Variants in DLC1 observed in about 807,000 individuals in gnomAD.
DLC1 encodes the protein rho GTPase-activating protein 7.
In DLC1, 54 loss-of-function variants were observed where a neutral mutation model predicts 140.3. The observed-to-expected ratio is 0.38, with a 90% CI of 0.31 to 0.48. DLC1 has a LOEUF of 0.48. Ranked by LOEUF, DLC1 falls within the 20% of genes least tolerant of loss-of-function variation. The probability of loss-of-function intolerance (pLI) is 0.96; values close to 1 mark genes in which losing one functional copy is unlikely to be tolerated. For missense variants in DLC1, 2,536 were observed against 1,907.0 expected, an observed-to-expected ratio of 1.33 and a Z score of -6.14; for synonymous variants, 986 against 728.1, an observed-to-expected ratio of 1.35 and a Z score of -5.70.
Position 13,412,554 on chromosome 8 carries a change from A to C in DLC1, c.1024-10935T>G, listed in dbSNP as rs1285989645. Among the ~76,000 whole-genome samples the C allele has an allele frequency of 2.6e-5, 4 of 152,252 alleles. No individual in the cohort carries two copies. The East Asian group carries it at 7.7e-4, about 29-fold the overall frequency. On this transcript the variant is annotated intron_variant, in intron 2 of 17. Coordinates refer to ENST00000276297, the MANE Select transcript of DLC1 (RefSeq NM_182643.3). ...GAGTTATGGCACCATCATTTCTTGG[A>C]TCACAATGCAGTAGTTGCATACGAT...
At chr8:13,393,422 A>T in intron 4 of DLC1, 131 bp downstream of exon 4, 1 of 1,062,078 alleles carries the variant, frequency 9.4e-7, no homozygotes. Flanking sequence ...TAATTAAATA[A>T]ATTAAATATC....
intron 1 of DLC1, among the ~76,000 whole-genome samples, chr8:13,576,446 T>G (rs1804839832): frequency 6.6e-6 from 1 of 152,172 alleles, no homozygotes; most frequent in Non-Finnish European, 1.5e-5. Flanking sequence ...CAGTAAAATT[T>G]ATAATGAGAA....
Position 13,253,149 on chromosome 8 carries a change from A to G in DLC1, c.1348+52120T>C, listed in dbSNP as rs190404952. 2.7e-4 allele frequency among the ~76,000 whole-genome samples: 41 copies of G among 152,338 alleles called. No homozygotes were observed. In the East Asian group the frequency reaches 5.0e-3, roughly 19 times the overall value. ...AACTAAAGTTGAGCCATTAATATCA[A>G]GTAAGAAAGCTCATATGGAATTCAT... On this transcript the variant is annotated intron_variant, in intron 5 of 17. Coordinates refer to ENST00000276297, the MANE Select transcript of DLC1 (RefSeq NM_182643.3).
intron 1 of DLC1, among the ~76,000 whole-genome samples, chr8:13,579,529 T>TTATATTATATATTTAATATATTATATTA (rs1805000604): frequency 9.4e-6 from 1 of 106,458 alleles, no homozygotes; most frequent in Non-Finnish European, 1.8e-5. Flanking sequence ...ATATTATATT[T>TTATATTATATATTTAATATATTATATTA]TATATTATAT....
At chr8:13,518,149 C>G (rs774483651), upstream of DLC1, among the ~76,000 whole-genome samples, 1 of 151,320 alleles carries the variant, frequency 6.6e-6, no homozygotes, top group African/African-American at 2.4e-5. Context: ...GCTCTGTTGC[C>G]CAGGCTGGAG....
At chr8:13,561,204 C>A (rs1254214753) in intron 1 of DLC1, among the ~76,000 whole-genome samples, 1 of 151,610 alleles carries the variant, frequency 6.6e-6, no homozygotes. Flanking sequence ...CTCACTGCAG[C>A]CTCGTACTTC....
intron 2 of DLC1, among the ~76,000 whole-genome samples, chr8:13,451,416 T>C (rs1254446927): frequency 6.6e-6 from 1 of 152,154 alleles, no homozygotes; most frequent in South Asian, 2.1e-4. Flanking sequence ...TACAATTAAA[T>C]TATTATTGAC....
At position 13,376,092 on chromosome 8, in the gene DLC1, C is replaced by T. The variant is rs574683516; in HGVS notation, c.1314+17461G>A. Among the ~76,000 whole-genome samples, 188 of 152,250 alleles carry T rather than the reference C, an allele frequency of 1.2e-3. 2 individuals carry two copies. The highest frequency in any genetic ancestry group is 4.3e-3 in the African/African-American group (180 of 41,550). ...AAAAGAGGAAAACCTTTTCCCACAT[C>T]GTCTTCGTGGCATCCGCTAGCTGAA... is the stretch of plus-strand genomic sequence containing the variant. On this transcript the variant is annotated intron_variant, in intron 4 of 17. Transcript: ENST00000276297.
rs1262057049 is a variant in DLC1 at position 13,346,469 on chromosome 8, T to C, written c.1315-41167A>G. ...TGCTCTTTGGAACTCTGAAATCATT[T>C]TCTCACAGACGGCAAAAACTACCAT... On this transcript the variant is annotated intron_variant, in intron 4 of 17. Coordinates refer to ENST00000276297, the MANE Select transcript of DLC1 (RefSeq NM_182643.3). 2.0e-5 allele frequency among the ~76,000 whole-genome samples: 3 copies of C among 152,342 alleles called. No individual in the cohort carries two copies. The East Asian group carries it at 5.8e-4, about 29-fold the overall frequency.
chr8:13,153,247 T>C (rs1823973956), intron 5 of DLC1, among the ~76,000 whole-genome samples: 2 of 152,056 alleles, frequency 1.3e-5, no homozygotes, highest in Admixed American at 6.6e-5. Context: ...GCTTCTGGAG[T>C]GAAGCTGCTG....
chr8:13,334,711 T>A (rs971967076), intron 4 of DLC1, among the ~76,000 whole-genome samples: 1 of 152,198 alleles, frequency 6.6e-6, no homozygotes, highest in Non-Finnish European at 1.5e-5. Context: ...GGGTGTTTGA[T>A]CTTGGCTGAA....
chr8:13,443,358 A>C (rs1167259045), intron 2 of DLC1, among the ~76,000 whole-genome samples: 50 of 151,482 alleles, frequency 3.3e-4, no homozygotes, highest in Admixed American at 1.6e-3. Flanking sequence ...AAAAAAAAAA[A>C]AAAAAAACTG....
At chr8:13,370,179 TTCTTCCTAGAGCATA>T (rs1447052217) in intron 4 of DLC1, among the ~76,000 whole-genome samples, 1 of 151,962 alleles carries the variant, frequency 6.6e-6, no homozygotes, top group African/African-American at 2.4e-5. Context: ...AGCTCACCCA[TTCTTCCTAGAGCATA>T]TCATTAGTAA....
Position 13,241,463 on chromosome 8 carries a change from C to T in DLC1, c.1348+63806G>A, listed in dbSNP as rs528705682. On this transcript the variant is annotated intron_variant, in intron 5 of 17. Transcript: ENST00000276297. ...TCCTCAGTTTCTGGTTTTCCATCCC[C>T]CTTATACCTTTTTTATGTGTTTGGT... Among the ~76,000 whole-genome samples the T allele has an allele frequency of 3.7e-4, 56 of 152,166 alleles. 1 individual carries two copies. Among genetic ancestry groups the T allele is most frequent in the African/African-American group, 1.3e-3 (55 of 41,532 alleles).
intron 2 of DLC1, among the ~76,000 whole-genome samples, chr8:13,472,348 G>T (rs1162550358): frequency 6.6e-6 from 1 of 152,152 alleles, no homozygotes. Flanking sequence ...TGGGGGAGGG[G>T]AATGAGTGAG....
Position 13,498,103 on chromosome 8 carries a change from C to G in DLC1, c.1023+946G>C, listed in dbSNP as rs114899087. On this transcript the variant is annotated intron_variant, in intron 2 of 17. Coordinates refer to ENST00000276297, the MANE Select transcript of DLC1 (RefSeq NM_182643.3). Reference sequence around the variant, plus strand: ...GAATTGCAGTTATGGATGAATGTATCAAGAGAGGGGCAAGGATATATGTTT... The same window carrying G: ...GAATTGCAGTTATGGATGAATGTATGAAGAGAGGGGCAAGGATATATGTTT... Among the ~76,000 whole-genome samples the G allele has an allele frequency of 5.3e-3, 811 of 152,172 alleles. 8 individuals carry two copies. The highest frequency in any genetic ancestry group is 0.018 in the African/African-American group (758 of 41,520).
At chr8:13,146,539 A>G (rs117915675) in intron 5 of DLC1, among the ~76,000 whole-genome samples, 3,480 of 151,920 alleles carry the variant, frequency 0.023, 58 homozygotes, top group Non-Finnish European at 0.03. Flanking sequence ...TAATATTAAT[A>G]TTATTAATAA....
At chr8:13,256,858 C>G (rs1021928480) in intron 5 of DLC1, among the ~76,000 whole-genome samples, 12 of 142,476 alleles carry the variant, frequency 8.4e-5, no homozygotes, top group African/African-American at 3.2e-4. Flanking sequence ...CCTGTAAGTT[C>G]TGCACATGTA....
chr8:13,149,492 G>T, intron 5 of DLC1, among the ~76,000 whole-genome samples: 1 of 152,026 alleles, frequency 6.6e-6, no homozygotes, highest in Middle Eastern at 3.2e-3. Context: ...TAATTGTCAG[G>T]TCATAAAAAT....
Sources: gnomAD v4.1 joint callset for allele counts (sites outside exome capture counted in the v4.1 genomes callset) on GRCh38, gnomAD v4.1.1 for gene constraint, MANE v1.5 for transcripts, NCBI Gene and HGNC (gene_info 2026-07-23, HGNC 2026-07-21) for gene names.